Variants in ULK4 observed in about 807,000 individuals in gnomAD.
ULK4 encodes inactive serine/threonine-protein kinase ULK4.
ULK4 carries 133 observed loss-of-function variants against 160.6 expected under a neutral mutation model. The observed-to-expected ratio is 0.83, with a 90% CI of 0.72 to 0.96. The LOEUF (loss-of-function observed/expected upper bound fraction) is 0.96. Ranked by LOEUF, ULK4 falls within the 40% of genes least tolerant of loss-of-function variation. The pLI is 0.00. For synonymous variants in ULK4, 534 were observed against 539.8 expected, an observed-to-expected ratio of 0.99 and a Z score of 0.15; for missense variants, 1,580 against 1,499.5, an observed-to-expected ratio of 1.05 and a Z score of -0.89.
intron 22 of ULK4, among the ~76,000 whole-genome samples, chr3:41,721,362 A>ATTTTTT (rs1192444773): frequency 2.5e-4 from 7 of 27,958 alleles, no homozygotes; most frequent in African/African-American, 7.6e-4. Context: ...ATATATATAT[A>ATTTTTT]TTTTTTTTTT....
At chr3:41,693,307 C>T (rs958448365) in intron 27 of ULK4, among the ~76,000 whole-genome samples, 5 of 152,146 alleles carry the variant, frequency 3.3e-5, no homozygotes, top group African/African-American at 1.2e-4. Flanking sequence ...TCTTTGATCC[C>T]AAAATCACTC....
chr3:41,740,917 A>T (rs938680357), intron 22 of ULK4, among the ~76,000 whole-genome samples: 1 of 152,002 alleles, frequency 6.6e-6, no homozygotes, highest in Non-Finnish European at 1.5e-5. Context: ...TTATATGCAC[A>T]TGAATACAAT....
chr3:41,414,572 A>C (rs1476230655), intron 34 of ULK4, among the ~76,000 whole-genome samples: 1 of 152,224 alleles, frequency 6.6e-6, no homozygotes, highest in Non-Finnish European at 1.5e-5. Flanking sequence ...AAAGATATTA[A>C]CTAGCCAAGA....
chr3:41,312,894 T>G (rs547205514), intron 35 of ULK4, among the ~76,000 whole-genome samples: 45 of 152,176 alleles, frequency 3.0e-4, no homozygotes, highest in Middle Eastern at 3.4e-3. Flanking sequence ...TTTCTAGCCC[T>G]AAGTGCTTAT....
rs374467711 is a variant in ULK4, at chr3:41,669,411, C to A, written c.2979-5712G>T. ...ACCCCAAAGTAGCTGAGACCATAGG[C>A]TCATGCAAACTAATTGTTTTATTTC... On this transcript the variant is annotated intron_variant, in intron 29 of 36. Coordinates refer to ENST00000301831, the MANE Select transcript of ULK4 (RefSeq NM_017886.4). Among the ~76,000 whole-genome samples the A allele has an allele frequency of 2.6e-5, 4 of 152,018 alleles. No homozygotes were observed. In the East Asian group the frequency reaches 7.7e-4, roughly 29 times the overall value.
intron 35 of ULK4, among the ~76,000 whole-genome samples, chr3:41,304,147 C>T (rs1164346110): frequency 6.6e-6 from 1 of 151,808 alleles, no homozygotes; most frequent in Admixed American, 6.6e-5. Flanking sequence ...GTGGTGGGCA[C>T]CTGTAATCCC....
chr3:41,296,672 T>C (rs949811), intron 35 of ULK4, among the ~76,000 whole-genome samples: 1,804 of 152,094 alleles, frequency 0.012, 24 homozygotes, highest in African/African-American at 0.034. Flanking sequence ...GAAGAGCAAA[T>C]GAGCAGAGGG....
chr3:41,818,696 T>C (rs2125628857), intron 19 of ULK4, among the ~76,000 whole-genome samples: 1 of 152,248 alleles, frequency 6.6e-6, no homozygotes, highest in East Asian at 1.9e-4. Flanking sequence ...TAGGAAGCAA[T>C]GAACTCAAAA....
At chr3:41,520,269 T>C (rs535934079) in intron 32 of ULK4, among the ~76,000 whole-genome samples, 18 of 152,126 alleles carry the variant, frequency 1.2e-4, no homozygotes, top group African/African-American at 4.3e-4. Flanking sequence ...CCCTATAAAT[T>C]TGATTTTTCT....
chr3:41,759,414 T>C (rs1165346338), intron 21 of ULK4, among the ~76,000 whole-genome samples: 3 of 152,148 alleles, frequency 2.0e-5, no homozygotes, highest in Admixed American at 6.5e-5. Context: ...CAAAGAAGTA[T>C]TGCTTTCACC....
rs771661647 is a variant in ULK4 at position 41,312,226 on chromosome 3, C to T, written c.3679-62652G>A. On this transcript the variant is annotated intron_variant, in intron 35 of 36. Transcript: ENST00000301831. ...CTGGCTTCAAGTGATCCTCCTGCCT[C>T]AGTTTCTTGAGTAGCTGAGATTACA... Among the ~76,000 whole-genome samples the T allele has an allele frequency of 4.6e-5, 7 of 152,188 alleles. 1 individual carries two copies. In the Middle Eastern group the frequency reaches 0.014, roughly 296 times the overall value.
chr3:41,264,995 C>G (rs2079005181), intron 35 of ULK4, among the ~76,000 whole-genome samples: 1 of 152,216 alleles, frequency 6.6e-6, no homozygotes, highest in African/African-American at 2.4e-5. Flanking sequence ...CTAATCCCCA[C>G]AGGCCCTCAG....
chr3:41,960,742 C>A (rs1700635443), intron 1 of ULK4, among the ~76,000 whole-genome samples: 1 of 152,182 alleles, frequency 6.6e-6, no homozygotes, highest in South Asian at 2.1e-4. Flanking sequence ...CAAACACGTT[C>A]CCCATTACAG....
At chr3:41,460,904 C>A (rs1467505977) in intron 33 of ULK4, among the ~76,000 whole-genome samples, 1 of 152,066 alleles carries the variant, frequency 6.6e-6, no homozygotes, top group Non-Finnish European at 1.5e-5. Context: ...CAGTAACTTG[C>A]CCGAGGTTAC....
chr3:41,639,837 T>C (rs1450559204), intron 30 of ULK4, among the ~76,000 whole-genome samples: 2 of 152,198 alleles, frequency 1.3e-5, no homozygotes, highest in African/African-American at 4.8e-5. Context: ...AAAATTAAGA[T>C]GTTAATCTGA....
At chr3:41,776,596 A>G (rs571578237) in intron 21 of ULK4, among the ~76,000 whole-genome samples, 1 of 115,598 alleles carries the variant, frequency 8.7e-6, no homozygotes, top group Admixed American at 8.4e-5. Flanking sequence ...AATACGTCCC[A>G]TCAATACCTA....
chr3:41,430,255 T>C (rs1272792495), intron 34 of ULK4, among the ~76,000 whole-genome samples: 2 of 152,190 alleles, frequency 1.3e-5, no homozygotes, highest in Non-Finnish European at 2.9e-5. Context: ...ATTGTCTACA[T>C]AAAATAGCTT....
chr3:41,534,154 T>C (rs1042796236), intron 32 of ULK4, among the ~76,000 whole-genome samples: 2 of 152,178 alleles, frequency 1.3e-5, no homozygotes, highest in African/African-American at 4.8e-5. Flanking sequence ...CTTATAGTGA[T>C]TTTCTGGTCC....
chr3:41,856,508 AATAAATATAT>A (rs1182076134), intron 17 of ULK4, among the ~76,000 whole-genome samples: 8 of 95,918 alleles, frequency 8.3e-5, no homozygotes, highest in Non-Finnish European at 1.4e-4. Context: ...TAAATAAATA[AATAAATATAT>A]ATATATATAT....
Sources: allele counts gnomAD v4.1 joint callset (sites outside exome capture counted in the v4.1 genomes callset), GRCh38; gene constraint gnomAD v4.1.1; transcripts MANE v1.5; gene names NCBI Gene and HGNC (gene_info 2026-07-23, HGNC 2026-07-21).